Variants in TMEM135 observed in about 807,000 individuals in gnomAD.
TMEM135 encodes the protein transmembrane protein 135.
TMEM135 carries 30 observed loss-of-function variants against 60.3 expected under a neutral mutation model. The observed-to-expected ratio is 0.50, with a 90% CI of 0.37 to 0.68. TMEM135 has a LOEUF of 0.68. TMEM135 is among the 30% of genes least tolerant of loss of function. The pLI is 0.00. For missense variants in TMEM135, 468 were observed against 548.8 expected, an observed-to-expected ratio of 0.85 and a Z score of 1.47; for synonymous variants, 190 against 186.7, an observed-to-expected ratio of 1.02 and a Z score of -0.14.
chr11:87,141,218 A>G (rs1463162752), intron 4 of TMEM135, among the ~76,000 whole-genome samples: 2 of 152,122 alleles, frequency 1.3e-5, no homozygotes, highest in Non-Finnish European at 2.9e-5. Context: ...GTTTATGTAC[A>G]TAGCATATTT....
intron 6 of TMEM135, among the ~76,000 whole-genome samples, chr11:87,249,857 T>A (rs964193473): frequency 1.3e-5 from 2 of 152,150 alleles, no homozygotes; most frequent in African/African-American, 4.8e-5. Context: ...CTTTTCTCCT[T>A]TATTTTTAGA....
intron 4 of TMEM135, among the ~76,000 whole-genome samples, chr11:87,135,508 A>ATTTT (rs1938068625): frequency 1.5e-5 from 2 of 131,334 alleles, no homozygotes; most frequent in Admixed American, 7.4e-5. Context: ...TTTTTTTTTT[A>ATTTT]ACGGAATTAC....
intron 4 of TMEM135, among the ~76,000 whole-genome samples, chr11:87,106,895 G>A (rs1170208482): frequency 6.6e-6 from 1 of 152,202 alleles, no homozygotes; most frequent in African/African-American, 2.4e-5. Flanking sequence ...TCCTCAGGAA[G>A]CTTACAGTCA....
intron 6 of TMEM135, among the ~76,000 whole-genome samples, chr11:87,245,669 G>A (rs1358007771): frequency 2.2e-5 from 3 of 133,658 alleles, no homozygotes; most frequent in African/African-American, 8.7e-5. Flanking sequence ...GACTAGGATT[G>A]CAACCCCTGC....
chr11:87,077,413 T>C (rs1400842193), intron 3 of TMEM135, among the ~76,000 whole-genome samples: 1 of 152,252 alleles, frequency 6.6e-6, no homozygotes, highest in Non-Finnish European at 1.5e-5. Context: ...ATTTATGTTA[T>C]TTTCAGTTTT....
At chr11:87,064,000 A>C (rs1856594584) in intron 1 of TMEM135, among the ~76,000 whole-genome samples, 2 of 152,172 alleles carry the variant, frequency 1.3e-5, no homozygotes, top group South Asian at 4.1e-4. Context: ...ACATTTAATT[A>C]TGTCTGGGTT....
chr11:87,064,154 T>TA (rs1856598992), intron 1 of TMEM135, among the ~76,000 whole-genome samples: 1 of 152,208 alleles, frequency 6.6e-6, no homozygotes, highest in South Asian at 2.1e-4. Context: ...CACTTTATAT[T>TA]ATCAGTTCTT....
intron 5 of TMEM135, among the ~76,000 whole-genome samples, chr11:87,222,823 AAG>A (rs1940670545): frequency 7.6e-6 from 1 of 132,436 alleles, no homozygotes; most frequent in Non-Finnish European, 1.7e-5. Flanking sequence ...GAAAGAAAGA[AAG>A]AAAAAAAAAT....
At chr11:87,172,154 G>GA (rs1383693817) in intron 5 of TMEM135, among the ~76,000 whole-genome samples, 2 of 152,078 alleles carry the variant, frequency 1.3e-5, no homozygotes, top group Non-Finnish European at 2.9e-5. Context: ...CATCACCAAA[G>GA]ACTTTGTCTA....
intron 6 of TMEM135, among the ~76,000 whole-genome samples, chr11:87,274,334 T>C (rs979237545): frequency 1.3e-5 from 2 of 152,240 alleles, no homozygotes; most frequent in African/African-American, 4.8e-5. Context: ...CCAGACGTAT[T>C]TGAAATGTCT....
intron 6 of TMEM135, among the ~76,000 whole-genome samples, chr11:87,284,213 G>A (rs1565155993): frequency 1.3e-5 from 2 of 152,158 alleles, no homozygotes; most frequent in African/African-American, 4.8e-5. Context: ...TAGGTCCAAT[G>A]AAACCACAAT....
chr11:87,313,114 T>G (rs930925908), intron 10 of TMEM135, among the ~76,000 whole-genome samples: 1 of 151,884 alleles, frequency 6.6e-6, no homozygotes, highest in African/African-American at 2.4e-5. Flanking sequence ...CTTTTTGTTC[T>G]TGTTAAAATG....
At chr11:87,149,795 C>T (rs964459379) in intron 4 of TMEM135, among the ~76,000 whole-genome samples, 2 of 152,208 alleles carry the variant, frequency 1.3e-5, no homozygotes, top group African/African-American at 2.4e-5. Context: ...TCTTCTCATT[C>T]AGTCCTCAAC....
intron 5 of TMEM135, among the ~76,000 whole-genome samples, chr11:87,231,541 A>G (rs1203938574): frequency 6.9e-6 from 1 of 145,948 alleles, no homozygotes; most frequent in African/African-American, 2.4e-5. Context: ...AAAGCTCAAG[A>G]AAACTTATGG....
At position 87,324,971 on chromosome 11, in the gene TMEM135, G is replaced by T. The variant is rs1395015825; in HGVS notation, c.*3638G>T. Reference sequence around the variant, plus strand: ...ATTATTTTCTTTAGGGCTGCACTTTGAATGTGATGAGTAATAAGGTTACCT... The same window carrying T: ...ATTATTTTCTTTAGGGCTGCACTTTTAATGTGATGAGTAATAAGGTTACCT... On this transcript the variant is annotated 3_prime_UTR_variant, in exon 15 of 15. Transcript: ENST00000305494. 3 of 454,048 alleles carry T rather than the reference G, an allele frequency of 6.6e-6. No individual in the cohort carries two copies. In the Admixed American group the frequency reaches 7.0e-5, roughly 11 times the overall value. 28.1% of individuals were successfully genotyped at this position (454,048 alleles called of 1,614,324 possible). A position where few individuals can be genotyped will look rare whatever the true frequency, so the allele number is the denominator to read the frequency against.
chr11:87,161,118 T>C (rs1464102314), intron 5 of TMEM135, among the ~76,000 whole-genome samples: 1 of 152,138 alleles, frequency 6.6e-6, no homozygotes, highest in Non-Finnish European at 1.5e-5. Context: ...CAGCATGGTC[T>C]CCATCTCTTG....
intron 5 of TMEM135, among the ~76,000 whole-genome samples, chr11:87,197,661 A>C (rs890107409): frequency 6.6e-6 from 1 of 152,010 alleles, no homozygotes; most frequent in African/African-American, 2.4e-5. Context: ...TTAGCAAAAA[A>C]AAAATGTCAC....
At chr11:87,313,890 T>G (rs1448349360) in intron 11 of TMEM135, among the ~76,000 whole-genome samples, 1 of 151,854 alleles carries the variant, frequency 6.6e-6, no homozygotes, top group Non-Finnish European at 1.5e-5. Flanking sequence ...CTTAATCATT[T>G]TATTAAAAAA....
chr11:87,082,387 A>T (rs1202617851), intron 3 of TMEM135, among the ~76,000 whole-genome samples: 2 of 152,236 alleles, frequency 1.3e-5, no homozygotes, highest in African/African-American at 4.8e-5. Flanking sequence ...AATTTGCAAG[A>T]GTTGAAGTTA....
Sources: allele counts gnomAD v4.1 joint callset (sites outside exome capture counted in the v4.1 genomes callset), GRCh38; gene constraint gnomAD v4.1.1; transcripts MANE v1.5; gene names NCBI Gene and HGNC (gene_info 2026-07-23, HGNC 2026-07-21).